Variants in ESR1 observed in about 807,000 individuals in gnomAD.
ESR1 encodes estrogen receptor 1, also known as estrogen receptor.
Under a neutral mutation model 52.7 loss-of-function variants are expected in ESR1, and 12 were observed. The observed-to-expected ratio is 0.23, with a 90% CI of 0.15 to 0.37. ESR1 has a LOEUF of 0.37. ESR1 is among the 10% of genes least tolerant of loss of function. The pLI is 1.00. For missense variants in ESR1, 584 were observed against 779.7 expected (o/e 0.75, Z 2.99); for synonymous variants, 305 against 316.8 (o/e 0.96, Z 0.39).
chr6:151,940,361 A>C (rs2034907729), intron 3 of ESR1, among the ~76,000 whole-genome samples: 2 of 152,192 alleles, frequency 1.3e-5, no homozygotes, highest in East Asian at 3.8e-4. Flanking sequence ...TACATTAAAG[A>C]AAATATTTGT....
At chr6:151,831,301 G>A (rs1782370032) in intron 1 of ESR1, among the ~76,000 whole-genome samples, 1 of 151,852 alleles carries the variant, frequency 6.6e-6, no homozygotes, top group Non-Finnish European at 1.5e-5. Flanking sequence ...CACCAGACCT[G>A]GCTAATGTTT....
intron 1 of ESR1, among the ~76,000 whole-genome samples, chr6:151,696,163 T>C (rs904518388): frequency 2.0e-5 from 3 of 152,132 alleles, no homozygotes; most frequent in African/African-American, 7.2e-5. Flanking sequence ...GAGTCTCTAT[T>C]CCCAGCTAGA....
intron 3 of ESR1, among the ~76,000 whole-genome samples, chr6:151,893,446 A>G (rs1794991764): frequency 6.6e-6 from 1 of 151,950 alleles, no homozygotes; most frequent in South Asian, 2.1e-4. Context: ...AACATACAGA[A>G]TTATATTTAG....
intron 3 of ESR1, among the ~76,000 whole-genome samples, chr6:151,901,876 C>G (rs918478775): frequency 6.6e-6 from 1 of 152,140 alleles, no homozygotes; most frequent in East Asian, 1.9e-4. Context: ...TGTAGTAGTT[C>G]TGGAGCAGAA....
At chr6:151,896,887 A>G (rs1795611129) in intron 3 of ESR1, among the ~76,000 whole-genome samples, 1 of 151,966 alleles carries the variant, frequency 6.6e-6, no homozygotes, top group Admixed American at 6.6e-5. Flanking sequence ...TGTCACTATT[A>G]TTGTTCAATT....
chr6:151,818,521 G>A (rs1583451912), intron 1 of ESR1, among the ~76,000 whole-genome samples: 3 of 152,206 alleles, frequency 2.0e-5, no homozygotes, highest in Admixed American at 2.0e-4. Flanking sequence ...AGCTAGCAAA[G>A]TTATCAAGTA....
At chr6:151,810,918 A>AT (rs1409176349) in intron 1 of ESR1, 1 of 152,168 alleles carries the variant, frequency 6.6e-6, no homozygotes, top group Non-Finnish European at 1.5e-5. Context: ...GGCTATTTTG[A>AT]TTGTCTTCAT....
upstream of ESR1, among the ~76,000 whole-genome samples, chr6:151,800,259 G>C (rs1270916169): frequency 6.6e-6 from 1 of 152,050 alleles, no homozygotes; most frequent in Non-Finnish European, 1.5e-5. Context: ...TGAATCCTGG[G>C]GTACCCACAC....
chr6:152,043,117 C>G (rs1026011323), intron 5 of ESR1, among the ~76,000 whole-genome samples: 5 of 152,108 alleles, frequency 3.3e-5, no homozygotes, highest in Non-Finnish European at 5.9e-5. Context: ...ACTAAAGTGA[C>G]GAATTCACTC....
At chr6:151,814,813 C>A (rs556101158) in intron 1 of ESR1, among the ~76,000 whole-genome samples, 113 of 152,186 alleles carry the variant, frequency 7.4e-4, no homozygotes, top group Non-Finnish European at 1.5e-3. Context: ...AACAGCATTG[C>A]ACCTAGCAGC....
At chr6:151,871,606 T>G (rs779850983) in intron 2 of ESR1, among the ~76,000 whole-genome samples, 1 of 152,136 alleles carries the variant, frequency 6.6e-6, no homozygotes, top group South Asian at 2.1e-4. Context: ...GGTTTTGCTA[T>G]GTTGGGCAGG....
intron 1 of ESR1, among the ~76,000 whole-genome samples, chr6:151,676,328 T>C (rs1193730581): frequency 6.6e-6 from 1 of 152,210 alleles, no homozygotes; most frequent in Admixed American, 6.5e-5. Flanking sequence ...CTCTCTCTCC[T>C]GAGCTATTAA....
At chr6:151,792,941 C>T (rs1369002256) in intron 2 of ESR1, among the ~76,000 whole-genome samples, 7 of 152,060 alleles carry the variant, frequency 4.6e-5, no homozygotes, top group South Asian at 2.1e-4. Context: ...GAGGCCGAGG[C>T]GGGCAGATCA....
At chr6:151,890,132 T>A (rs1794488864) in intron 3 of ESR1, among the ~76,000 whole-genome samples, 1 of 151,904 alleles carries the variant, frequency 6.6e-6, no homozygotes, top group African/African-American at 2.4e-5. Context: ...TTGCCCAGGC[T>A]GGAGTGCACT....
chr6:151,699,172 C>G (rs1182045773), intron 1 of ESR1, among the ~76,000 whole-genome samples: 2 of 152,184 alleles, frequency 1.3e-5, no homozygotes, highest in East Asian at 3.9e-4. Context: ...TTACTCCTCC[C>G]TCTGCACTTG....
In ESR1 at chr6:152,050,450, T is replaced by A. The variant is rs11759199; in HGVS notation, c.1236-10541T>A. On this transcript the variant is annotated intron_variant, in intron 5 of 7. Transcript: ENST00000206249. ...AGATGATGATCCTCTGGCCATATTTTAAAAATTTCTCTTATTTGTTTTAAT... is the reference window on the plus strand; with the variant it reads ...AGATGATGATCCTCTGGCCATATTTAAAAAATTTCTCTTATTTGTTTTAAT... 1.6e-3 allele frequency among the ~76,000 whole-genome samples: 242 copies of A among 152,350 alleles called. 1 individual carries two copies. Among genetic ancestry groups the A allele is most frequent in the Non-Finnish European group, 7.1e-4 (48 of 68,030 alleles).
intron 1 of ESR1, among the ~76,000 whole-genome samples, chr6:151,823,517 A>G (rs1022092924): frequency 6.6e-6 from 1 of 151,988 alleles, no homozygotes; most frequent in East Asian, 1.9e-4. Context: ...ACATGTGCAC[A>G]ATGTGCAGGT....
At chr6:151,692,298 T>A (rs906923808) in intron 1 of ESR1, among the ~76,000 whole-genome samples, 1 of 152,232 alleles carries the variant, frequency 6.6e-6, no homozygotes, top group Non-Finnish European at 1.5e-5. Flanking sequence ...ATCAGGCATC[T>A]GCTAAACATT....
At position 151,793,102 on chromosome 6, in the gene ESR1, C is replaced by T. The variant is rs868039094; in HGVS notation, c.-70-14741C>T. Among the ~76,000 whole-genome samples the T allele has an allele frequency of 7.3e-5, 11 of 150,610 alleles. No homozygotes were observed. In the South Asian group the frequency reaches 1.0e-3, roughly 14 times the overall value. ...AGGAGAATGGCATGAACCCAGGAGGCGGAGCTTGCAGTGAGCTGAGTTTGC... is the reference window on the plus strand; with the variant it reads ...AGGAGAATGGCATGAACCCAGGAGGTGGAGCTTGCAGTGAGCTGAGTTTGC... On this transcript the variant is annotated intron_variant, in intron 2 of 2. Coordinates refer to the ESR1 transcript ENST00000404742.
Sources: allele counts gnomAD v4.1 joint callset (sites outside exome capture counted in the v4.1 genomes callset), GRCh38; gene constraint gnomAD v4.1.1; transcripts MANE v1.5; gene names NCBI Gene and HGNC (gene_info 2026-07-23, HGNC 2026-07-21).